The following HTT variants were observed in gnomAD, a reference collection of about 807,000 sequenced individuals.
HTT encodes the protein huntington disease protein.
HTT carries 104 observed loss-of-function variants against 362.3 expected under a neutral mutation model. The observed-to-expected ratio is 0.29, with a 90% confidence interval of 0.24 to 0.34. The LOEUF is 0.34. HTT is among the 10% of genes least tolerant of loss of function. The pLI, the probability that HTT is intolerant of heterozygous loss-of-function variation, is 1.00. For synonymous variants in HTT, 1,577 were observed against 1,548.7 expected, an observed-to-expected ratio of 1.02 and a Z score of -0.43; for missense variants, 3,301 against 3,928.6, an observed-to-expected ratio of 0.84 and a Z score of 4.27.
At chr4:3,091,558 C>T (rs1713511144) in intron 2 of HTT, among the ~76,000 whole-genome samples, 1 of 152,114 alleles carries the variant, frequency 6.6e-6, no homozygotes, top group African/African-American at 2.4e-5. Flanking sequence ...AGGTTACTAG[C>T]CTGTGTAAAG....
chr4:3,175,532 A>G (rs363097), intron 33 of HTT, among the ~76,000 whole-genome samples: 29,707 of 152,178 alleles, frequency 0.2, 4,473 homozygotes, highest in African/African-American at 0.43. Context: ...TAACAGGTTC[A>G]CTTACCTCTT....
intron 3 of HTT, among the ~76,000 whole-genome samples, chr4:3,102,725 A>G (rs1339234445): frequency 1.3e-5 from 2 of 152,220 alleles, no homozygotes; most frequent in Non-Finnish European, 2.9e-5. Context: ...GTGGGCAAGC[A>G]TTTGGAAGAG....
At chr4:3,143,146 A>G (rs1578533379) in intron 23 of HTT, among the ~76,000 whole-genome samples, 1 of 152,208 alleles carries the variant, frequency 6.6e-6, no homozygotes, top group Non-Finnish European at 1.5e-5. Flanking sequence ...AGACACAACA[A>G]TTAAAATAAG....
At chr4:3,157,839 T>C (rs944447445) in intron 28 of HTT, among the ~76,000 whole-genome samples, 13 of 152,312 alleles carry the variant, frequency 8.5e-5, no homozygotes, top group African/African-American at 3.1e-4. Flanking sequence ...TTAATTTTTG[T>C]TTTTGGTTGT....
chr4:3,138,101 T>C (rs201819937), intron 21 of HTT, among the ~76,000 whole-genome samples: 1,389 of 138,262 alleles, frequency 0.01, 19 homozygotes, highest in African/African-American at 0.034. Context: ...TCCTTCCTTC[T>C]TTCCTTCCTC....
chr4:3,079,066 T>C (rs981452904), intron 1 of HTT, among the ~76,000 whole-genome samples: 2 of 151,716 alleles, frequency 1.3e-5, no homozygotes, highest in African/African-American at 2.4e-5. Context: ...TGGGTAATTT[T>C]TGTATTTTTA....
intron 18 of HTT, among the ~76,000 whole-genome samples, chr4:3,133,382 A>G (rs921432317): frequency 2.0e-5 from 3 of 151,446 alleles, no homozygotes; most frequent in Non-Finnish European, 4.4e-5. Flanking sequence ...AGTCTCAGCT[A>G]CTCGGGAAGC....
chr4:3,199,982 C>T, intron 41 of HTT, 43 bp downstream of exon 41: 1 of 1,540,482 alleles, frequency 6.5e-7, no homozygotes, highest in Non-Finnish European at 8.9e-7. Context: ...CAGCCCAGCA[C>T]CCTGTCCTGA....
Position 3,107,277 on chromosome 4 carries a change from A to G in HTT, c.609-8A>G, listed in dbSNP as rs1198792762. The G allele has an allele frequency of 4.3e-6, 7 of 1,611,280 alleles. No homozygotes were observed. Among genetic ancestry groups the G allele is most frequent in the African/African-American group, 4.0e-5 (3 of 74,760 alleles). The stretch of plus-strand genomic sequence containing the variant: ...GGAAGAATGACTTGCGTTCTTTTGC[A>G]TACACAGGCCTTACCTGGTGAACCT... On this transcript the variant is annotated splice_polypyrimidine_tract_variant and splice_region_variant and intron_variant, in intron 5 of 66. Coordinates refer to ENST00000355072, the MANE Select transcript of HTT (RefSeq NM_001388492.1).
chr4:3,215,010 C>G, intron 50 of HTT, 100 bp from the exon 51 acceptor site: 1 of 915,680 alleles, frequency 1.1e-6, no homozygotes. Context: ...TCTGTCTATC[C>G]CTTTCAACTT....
At position 3,182,310 on chromosome 4, in the gene HTT, G is replaced by T. The variant is rs371111057; in HGVS notation, c.4750-44G>T. 7.2e-6 allele frequency: 9 copies of T among 1,251,766 alleles called. No homozygotes were observed. The African/African-American group carries it at 7.4e-5, about 10-fold the overall frequency. 77.5% of individuals were successfully genotyped at this position (1,251,766 alleles called of 1,614,324 possible). A position where few individuals can be genotyped will look rare whatever the true frequency, so the allele number is the denominator to read the frequency against. On this transcript the variant is annotated intron_variant, in intron 36 of 66. Transcript: ENST00000355072. ...CAGACGGACACGTAGGGGTGGAAAGGCGTCTCTTGGCAGCAGACTTTCTAA... is the reference window on the plus strand; with the variant it reads ...CAGACGGACACGTAGGGGTGGAAAGTCGTCTCTTGGCAGCAGACTTTCTAA...
rs1715125460 is a variant in HTT, at chr4:3,118,217, A to C, written c.1068+1954A>C. On this transcript the variant is annotated intron_variant, in intron 8 of 66. Coordinates refer to ENST00000355072, the MANE Select transcript of HTT (RefSeq NM_001388492.1). ...TAGTGTATATTTTATATCTGAGTCC[A>C]GTATTTCTTATATAATATTTTAAGA... Among the ~76,000 whole-genome samples the C allele has an allele frequency of 2.0e-5, 3 of 152,242 alleles. No homozygotes were observed. In the South Asian group the frequency reaches 6.2e-4, roughly 31 times the overall value.
chr4:3,157,292 A>T (rs1274846088), intron 28 of HTT, 93 bp downstream of exon 28: 4 of 1,220,190 alleles, frequency 3.3e-6, no homozygotes, highest in Non-Finnish European at 4.7e-6. Flanking sequence ...TAGGATGTAT[A>T]AGCCCTTTGA....
chr4:3,208,979 CAGAG>C, intron 46 of HTT, 68 bp downstream of exon 46: 9 of 1,493,740 alleles, frequency 6.0e-6, no homozygotes, highest in Non-Finnish European at 8.1e-6. Context: ...GTGGCAGATA[CAGAG>C]AGTGCAGAGG....
At chr4:3,152,256 A>G (rs956195161) in intron 26 of HTT, among the ~76,000 whole-genome samples, 3 of 151,290 alleles carry the variant, frequency 2.0e-5, no homozygotes, top group Non-Finnish European at 3.0e-5. Context: ...CTGCCACCAC[A>G]CCCAGCTAAC....
At chr4:3,216,712 A>T (rs1373976012) in intron 51 of HTT, among the ~76,000 whole-genome samples, 1 of 151,908 alleles carries the variant, frequency 6.6e-6, no homozygotes, top group East Asian at 1.9e-4. Flanking sequence ...ATAGGACGTT[A>T]CTTCTTAAAG....
chr4:3,235,075 A>G (rs887511558), intron 61 of HTT, among the ~76,000 whole-genome samples: 2 of 152,132 alleles, frequency 1.3e-5, no homozygotes, highest in African/African-American at 4.8e-5. Flanking sequence ...TTGGGGAGGT[A>G]GACGGGCTCA....
At chr4:3,183,165 A>G (rs1376335800) in intron 37 of HTT, among the ~76,000 whole-genome samples, 3 of 152,260 alleles carry the variant, frequency 2.0e-5, no homozygotes, top group Non-Finnish European at 4.4e-5. Flanking sequence ...TACAGGTGTG[A>G]GCCACCTCGC....
At chr4:3,185,687 C>T (rs865961824) in intron 37 of HTT, among the ~76,000 whole-genome samples, 1 of 152,130 alleles carries the variant, frequency 6.6e-6, no homozygotes, top group African/African-American at 2.4e-5. Context: ...CCAAGGCAGG[C>T]AGATTGCTTG....
Sources: allele counts gnomAD v4.1 joint callset (sites outside exome capture counted in the v4.1 genomes callset), GRCh38; gene constraint gnomAD v4.1.1; transcripts MANE v1.5; gene names NCBI Gene and HGNC (gene_info 2026-07-23, HGNC 2026-07-21).